FHAD1: variants seen among roughly 807,000 people sequenced by gnomAD.
FHAD1 encodes the protein forkhead associated phosphopeptide binding domain 1, also known as forkhead-associated domain-containing protein 1.
In FHAD1, 146 loss-of-function variants were observed where a neutral mutation model predicts 191.3. That is an observed-to-expected ratio of 0.76 (90% CI 0.67 to 0.88). The LOEUF is 0.88. FHAD1 is among the 40% of genes least tolerant of loss of function. FHAD1 has a pLI of 0.00. For missense variants in FHAD1, 1,635 were observed against 1,785.8 expected, an observed-to-expected ratio of 0.92 and a Z score of 1.52; for synonymous variants, 616 against 672.3, an observed-to-expected ratio of 0.92 and a Z score of 1.29.
At chr1:15,390,029 G>A (rs903184062) in intron 32 of FHAD1, among the ~76,000 whole-genome samples, 1 of 152,184 alleles carries the variant, frequency 6.6e-6, no homozygotes, top group South Asian at 2.1e-4. Context: ...CCACGGCTAT[G>A]CCTCATTTGG....
At chr1:15,365,193 T>A (rs1696021700) in intron 23 of FHAD1, among the ~76,000 whole-genome samples, 2 of 152,194 alleles carry the variant, frequency 1.3e-5, no homozygotes, top group Non-Finnish European at 2.9e-5. Flanking sequence ...AGTCTTCCCA[T>A]GTCCCTCCAC....
intron 31 of FHAD1, among the ~76,000 whole-genome samples, chr1:15,387,767 C>T (rs1304635033): frequency 1.3e-5 from 2 of 152,156 alleles, no homozygotes; most frequent in South Asian, 2.1e-4. Context: ...CGCCCGTAGT[C>T]GCAGCTACTT....
In FHAD1 at chr1:15,329,646, C is replaced by A; in HGVS notation, c.1906+105C>A. 2 of 1,042,088 alleles carry A rather than the reference C, an allele frequency of 1.9e-6. No individual in the cohort carries two copies. The highest frequency in any genetic ancestry group is 2.8e-6 in the Non-Finnish European group (2 of 707,128). The allele number at this position is 1,042,088 out of a possible 1,614,324, so 64.6% of individuals were successfully genotyped here. On this transcript the variant is annotated intron_variant, in intron 14 of 33. Transcript: ENST00000688493. This position sits in a 1 kb window ranked among gnomAD's most constrained non-coding sequence, Gnocchi z 5.0. Reference sequence around the variant, plus strand: ...GAGGAAGTCTTCCTGGGTATCTGGCCAAGTCTATTCCCTTCTCCAGAACCC... The same window carrying A: ...GAGGAAGTCTTCCTGGGTATCTGGCAAAGTCTATTCCCTTCTCCAGAACCC...
At chr1:15,361,422 G>A (rs1481696479) in intron 22 of FHAD1, among the ~76,000 whole-genome samples, 1 of 151,880 alleles carries the variant, frequency 6.6e-6, no homozygotes, top group African/African-American at 2.4e-5. Flanking sequence ...ATGTCCCCTA[G>A]AGGCAAATTC....
chr1:15,268,840 G>T (rs1010437401), intron 2 of FHAD1, among the ~76,000 whole-genome samples: 3 of 150,646 alleles, frequency 2.0e-5, no homozygotes, highest in Admixed American at 6.6e-5. Flanking sequence ...TTTTGATGGG[G>T]TTGTTTGTTT....
At chr1:15,335,998 G>A (rs1189345184) in intron 14 of FHAD1, among the ~76,000 whole-genome samples, 1 of 152,186 alleles carries the variant, frequency 6.6e-6, no homozygotes, top group South Asian at 2.1e-4. Context: ...GTATTCACCA[G>A]GTCCAGTGGG....
intron 6 of FHAD1, among the ~76,000 whole-genome samples, chr1:15,302,378 C>A (rs1043212440): frequency 1.3e-5 from 2 of 152,182 alleles, no homozygotes; most frequent in African/African-American, 4.8e-5. Context: ...ATTTACCAGT[C>A]ATGTACGTTT....
rs1250289185 is a variant in FHAD1 at position 15,382,221 on chromosome 1, C to T, written c.4188+28C>T. Reference sequence around the variant, plus strand: ...GAGGCGCTGCTGCCCAGGGCAGAACCTCCCAGGCTGCCCTGCAGCTCCCAT... The same window carrying T: ...GAGGCGCTGCTGCCCAGGGCAGAACTTCCCAGGCTGCCCTGCAGCTCCCAT... On this transcript the variant is annotated intron_variant, in intron 31 of 33. Transcript: ENST00000688493. The T allele has an allele frequency of 3.2e-6, 5 of 1,545,814 alleles. No homozygotes were observed. The African/African-American group carries it at 5.5e-5, about 17-fold the overall frequency.
At chr1:15,280,222 G>T (rs527999253) in intron 3 of FHAD1, among the ~76,000 whole-genome samples, 1 of 152,282 alleles carries the variant, frequency 6.6e-6, no homozygotes, top group South Asian at 2.1e-4. Flanking sequence ...AAGAACCAGA[G>T]AGCATGGCAC....
intron 29 of FHAD1, 111 bp downstream of exon 29, chr1:15,380,907 C>T (rs1700749247): frequency 1.3e-5 from 10 of 773,730 alleles, no homozygotes; most frequent in Non-Finnish European, 2.1e-5. Context: ...TTTAGTTACT[C>T]TAATAACTCT....
intron 18 of FHAD1, 69 bp from the exon 19 acceptor site, chr1:15,348,973 C>G: frequency 1.1e-6 from 1 of 917,464 alleles, no homozygotes. Flanking sequence ...TTATTATTAT[C>G]ATTATCATTA....
chr1:15,358,174 T>A lies in FHAD1; in HGVS notation c.2627T>A (p.Met876Lys), dbSNP rs1228180928. 1 of 1,537,670 alleles carries A rather than the reference T, an allele frequency of 6.5e-7. No homozygotes were observed. Among genetic ancestry groups the A allele is most frequent in the Non-Finnish European group, 8.7e-7 (1 of 1,143,958 alleles). Residue 876 changes from methionine (M) to lysine (K), a missense_variant, in exon 21 of 34, where the codon ATG becomes AAG. Met to Lys is a moderately conservative substitution (Grantham distance 95). Coordinates refer to ENST00000688493, the MANE Select transcript of FHAD1 (RefSeq NM_001391957.1). ...AATAAATTAAGTGACGCACTGGCCA[T>A]GGTTGAAGAGACTCAGAAAACAAAG... ...LNNKLSDALA[M>K]VEETQKTKAT...
At chr1:15,317,967 G>A (rs986828509) in intron 10 of FHAD1, 39 bp downstream of exon 10, 58 of 1,295,766 alleles carry the variant, frequency 4.5e-5, no homozygotes, top group African/African-American at 1.0e-4. Flanking sequence ...TGGTGTGGGC[G>A]GTAGCTCCCC....
At chr1:15,337,661 T>C (rs1255790293) in intron 14 of FHAD1, among the ~76,000 whole-genome samples, 1 of 152,026 alleles carries the variant, frequency 6.6e-6, no homozygotes, top group East Asian at 1.9e-4. Context: ...GACTTGACAA[T>C]ATCAGCAGTG....
chr1:15,237,883 A>C (rs1381472294), intron 1 of FHAD1, among the ~76,000 whole-genome samples: 11 of 152,144 alleles, frequency 7.2e-5, no homozygotes, highest in Admixed American at 2.0e-4. Context: ...GCGTGAGGGG[A>C]TTGATCAGCT....
At chr1:15,388,517 TA>T in intron 32 of FHAD1, 1 of 427,670 alleles carries the variant, frequency 2.3e-6, no homozygotes, top group Non-Finnish European at 3.5e-6. Context: ...GGCAAGGTCC[TA>T]AGAGAAGAAA....
At chr1:15,359,559 A>G (rs1378582186) in intron 21 of FHAD1, among the ~76,000 whole-genome samples, 1 of 152,092 alleles carries the variant, frequency 6.6e-6, no homozygotes, top group Middle Eastern at 3.2e-3. Context: ...TAAGAAATGC[A>G]AATTCTGGCT....
At chr1:15,308,571 C>A in intron 6 of FHAD1, 42 bp from the exon 7 acceptor site, 1 of 1,548,848 alleles carries the variant, frequency 6.5e-7, no homozygotes. Context: ...GTCTCCCAGA[C>A]GTGGGCCAGC....
At position 15,360,796 on chromosome 1, in the gene FHAD1, C is replaced by G. The variant is rs565711054; in HGVS notation, c.2962+93C>G. 5.5e-5 allele frequency: 57 copies of G among 1,044,686 alleles called. No individual in the cohort carries two copies. The South Asian group carries it at 8.5e-4, about 16-fold the overall frequency. 64.7% of individuals were successfully genotyped at this position (1,044,686 alleles called of 1,614,324 possible). ...AACAGGCTGATGGCTAAGAAAAAGG[C>G]CGTGCCTCATTCGAAAGCTCATTCA... On this transcript the variant is annotated intron_variant, in intron 22 of 33. Transcript: ENST00000688493.
Sources: gnomAD v4.1 joint callset for allele counts (sites outside exome capture counted in the v4.1 genomes callset) on GRCh38, gnomAD v4.1.1 for gene constraint, Gnocchi (gnomAD v3.1) non-coding constraint, MANE v1.5 for transcripts, NCBI Gene and HGNC (gene_info 2026-07-23, HGNC 2026-07-21) for gene names.